SNX29: variants seen among roughly 807,000 people sequenced by gnomAD.
SNX29 encodes sorting nexin-29.
Under a neutral mutation model 102.1 loss-of-function variants are expected in SNX29, and 78 were observed. That is an observed-to-expected ratio of 0.76 (90% CI 0.64 to 0.92). The LOEUF (loss-of-function observed/expected upper bound fraction) is 0.92, where lower values mean the gene tolerates loss of function less well. Among genes scored for constraint, SNX29 ranks in the 40% least tolerant of loss-of-function variants. The probability of loss-of-function intolerance (pLI) is 0.00; values close to 1 mark genes in which losing one functional copy is unlikely to be tolerated. For synonymous variants in SNX29, 580 were observed against 414.5 expected (o/e 1.40, Z -4.85); for missense variants, 1,280 against 1,061.7 (o/e 1.21, Z -2.86).
intron 4 of SNX29, 135 bp downstream of exon 4, chr16:12,027,579 A>G (rs2057229540): frequency 2.0e-6 from 2 of 1,020,232 alleles, no homozygotes; most frequent in African/African-American, 3.3e-5. Flanking sequence ...ACAGAAATCC[A>G]TGTCTTAATA....
intron 18 of SNX29, among the ~76,000 whole-genome samples, chr16:12,460,271 C>G (rs761228450): frequency 6.6e-6 from 1 of 152,206 alleles, no homozygotes; most frequent in Non-Finnish European, 1.5e-5. Context: ...GGGGGAAACC[C>G]TAAAACTGTC....
At chr16:12,233,097 T>G (rs1172090794) in intron 14 of SNX29, among the ~76,000 whole-genome samples, 1 of 152,048 alleles carries the variant, frequency 6.6e-6, no homozygotes, top group Non-Finnish European at 1.5e-5. Flanking sequence ...CTTCTTTGTC[T>G]TCTTTGTCTT....
intron 14 of SNX29, among the ~76,000 whole-genome samples, chr16:12,250,352 C>T (rs2078385710): frequency 6.6e-6 from 1 of 152,172 alleles, no homozygotes; most frequent in Admixed American, 6.5e-5. Flanking sequence ...CAAAGAGATA[C>T]AAGTCAGAGC....
intron 14 of SNX29, among the ~76,000 whole-genome samples, chr16:12,211,356 A>G (rs2077178426): frequency 6.6e-6 from 1 of 152,182 alleles, no homozygotes. Context: ...GCTGACAGAT[A>G]ACAGAAGCTC....
chr16:12,055,618 C>T (rs1360451053), intron 8 of SNX29, among the ~76,000 whole-genome samples: 3 of 152,172 alleles, frequency 2.0e-5, no homozygotes, highest in East Asian at 3.9e-4. Flanking sequence ...GGACTGGAGA[C>T]CCAGGGAAGA....
At chr16:12,337,918 C>T (rs369768327) in intron 15 of SNX29, among the ~76,000 whole-genome samples, 2 of 152,168 alleles carry the variant, frequency 1.3e-5, no homozygotes, top group Non-Finnish European at 2.9e-5. Flanking sequence ...AGCCGAGGAA[C>T]GGTCGGGTGA....
At chr16:12,248,468 T>C (rs1433537824) in intron 14 of SNX29, among the ~76,000 whole-genome samples, 2 of 151,780 alleles carry the variant, frequency 1.3e-5, no homozygotes, top group Non-Finnish European at 2.9e-5. Flanking sequence ...CAATCTCAGC[T>C]CACTGCAACG....
intron 15 of SNX29, among the ~76,000 whole-genome samples, chr16:12,285,494 A>T (rs2079566578): frequency 1.3e-5 from 2 of 152,252 alleles, no homozygotes. Flanking sequence ...TGTTCTCATT[A>T]TAATGGCAGA....
intron 16 of SNX29, among the ~76,000 whole-genome samples, chr16:12,361,104 A>T (rs111862023): frequency 6.6e-6 from 1 of 152,182 alleles, no homozygotes; most frequent in African/African-American, 2.4e-5. Flanking sequence ...GGCAGCATCT[A>T]ATCTACCTCC....
chr16:12,525,003 G>T (rs75532709), intron 20 of SNX29, among the ~76,000 whole-genome samples, 162 bp downstream of exon 20: 3,494 of 152,234 alleles, frequency 0.023, 137 homozygotes, highest in African/African-American at 0.079. Context: ...TGGAGGTTGG[G>T]TCTCAGCGCT....
At chr16:12,062,735 A>G (rs1312475591) in intron 9 of SNX29, among the ~76,000 whole-genome samples, 1 of 152,192 alleles carries the variant, frequency 6.6e-6, no homozygotes, top group Non-Finnish European at 1.5e-5. Flanking sequence ...GGAGCCCACT[A>G]ATCACTCAGG....
At chr16:12,304,047 T>G (rs1266136291) in intron 15 of SNX29, among the ~76,000 whole-genome samples, 1 of 152,226 alleles carries the variant, frequency 6.6e-6, no homozygotes, top group Non-Finnish European at 1.5e-5. Context: ...AGGCAGTTGT[T>G]GCCTATGCAT....
At chr16:12,491,857 A>G (rs1045194547) in intron 19 of SNX29, among the ~76,000 whole-genome samples, 1 of 151,728 alleles carries the variant, frequency 6.6e-6, no homozygotes, top group African/African-American at 2.4e-5. Context: ...AAGGACACGA[A>G]CTCATCATTT....
intron 16 of SNX29, among the ~76,000 whole-genome samples, chr16:12,379,403 G>A (rs192990371): frequency 1.6e-4 from 24 of 152,322 alleles, no homozygotes; most frequent in Admixed American, 1.2e-3. Context: ...GATTACAGGC[G>A]TGAGCCACTA....
intron 19 of SNX29, among the ~76,000 whole-genome samples, chr16:12,478,355 C>T (rs1164173096): frequency 6.6e-6 from 1 of 152,216 alleles, no homozygotes; most frequent in East Asian, 1.9e-4. Context: ...TCATGATGTT[C>T]ACTTCAACTT....
At chr16:12,534,668 C>G (rs969237285) in intron 20 of SNX29, among the ~76,000 whole-genome samples, 3 of 152,176 alleles carry the variant, frequency 2.0e-5, no homozygotes, top group South Asian at 2.1e-4. Flanking sequence ...TGCAGACGGG[C>G]TGTCGGAGGA....
chr16:12,349,703 T>C (rs948356826), intron 15 of SNX29, among the ~76,000 whole-genome samples: 3 of 152,228 alleles, frequency 2.0e-5, no homozygotes, highest in African/African-American at 4.8e-5. Flanking sequence ...ATGACAGGCG[T>C]TGATAGCATT....
intron 15 of SNX29, among the ~76,000 whole-genome samples, chr16:12,291,442 C>T (rs2079791620): frequency 6.6e-6 from 1 of 152,186 alleles, no homozygotes; most frequent in African/African-American, 2.4e-5. Flanking sequence ...ATTCAGTTAC[C>T]TCCCACTGGG....
At chr16:12,555,143 G>A (rs1020732506) in intron 20 of SNX29, among the ~76,000 whole-genome samples, 2 of 151,882 alleles carry the variant, frequency 1.3e-5, no homozygotes, top group Admixed American at 6.6e-5. Flanking sequence ...CTCAGACTTG[G>A]TCCAGGAGTG....
Sources: allele counts gnomAD v4.1 joint callset (sites outside exome capture counted in the v4.1 genomes callset), GRCh38; gene constraint gnomAD v4.1.1; transcripts MANE v1.5; gene names NCBI Gene and HGNC (gene_info 2026-07-23, HGNC 2026-07-21).